Variants in SLC11A2 observed in about 807,000 individuals in gnomAD.
The protein encoded by SLC11A2 is natural resistance-associated macrophage protein 2.
SLC11A2 carries 38 observed loss-of-function variants against 68.0 expected under a neutral mutation model. The observed-to-expected ratio is 0.56, with a 90% confidence interval of 0.43 to 0.73. The LOEUF is 0.73. Ranked by LOEUF, SLC11A2 falls within the 30% of genes least tolerant of loss-of-function variation. The probability of loss-of-function intolerance (pLI) is 0.00; values close to 1 mark genes in which losing one functional copy is unlikely to be tolerated. For synonymous variants in SLC11A2, 242 were observed against 250.6 expected (o/e 0.97, Z 0.32); for missense variants, 517 against 690.5 (o/e 0.75, Z 2.82).
At position 50,999,051 on chromosome 12, in the gene SLC11A2, T is replaced by C. The variant is rs549981636; in HGVS notation, c.675+123A>G. On this transcript the variant is annotated intron_variant, in intron 8 of 15. Transcript: ENST00000262052. ...TTGGCCCAGGGAAAAATTGGCTTTT[T>C]GTTGATACACCCACTATAAGTGAAT... 23 of 842,878 alleles carry C rather than the reference T, an allele frequency of 2.7e-5. No individual in the cohort carries two copies. In the African/African-American group the frequency reaches 4.0e-4, roughly 15 times the overall value. 52.2% of individuals were successfully genotyped at this position (842,878 alleles called of 1,614,324 possible).
At chr12:50,968,843 T>G in the SLC11A2 span, among the ~76,000 whole-genome samples, 5 of 147,196 alleles carry the variant, frequency 3.4e-5, no homozygotes, top group Admixed American at 2.8e-4. Flanking sequence ...CGCCTGACCC[T>G]AATTTTTTTA....
At chr12:51,005,525 T>C in intron 3 of SLC11A2, 89 bp from the exon 4 acceptor site, 1 of 1,590,106 alleles carries the variant, frequency 6.3e-7, no homozygotes, top group South Asian at 1.1e-5. Flanking sequence ...AGCAACAAAA[T>C]CCAGCCTCAC....
chr12:50,990,789 A>G lies in SLC11A2; in HGVS notation c.1575+6T>C, dbSNP rs1253046184. On this transcript the variant is annotated splice_donor_region_variant and intron_variant, in intron 15 of 15. Coordinates refer to ENST00000262052, the MANE Select transcript of SLC11A2 (RefSeq NM_000617.3). Reference sequence around the variant, plus strand: ...CTATGCCCCTGCTCTTCCAGGCTAGACTTACCAAGTAGAACACAAAGCCCA... The same window carrying G: ...CTATGCCCCTGCTCTTCCAGGCTAGGCTTACCAAGTAGAACACAAAGCCCA... 3.7e-6 allele frequency: 6 copies of G among 1,613,980 alleles called. No homozygotes were observed. In the Admixed American group the frequency reaches 5.0e-5, roughly 13 times the overall value.
chr12:50,981,103 T>G (rs1473485033), downstream of SLC11A2: 1 of 152,206 alleles, frequency 6.6e-6, no homozygotes, highest in Admixed American at 6.6e-5. Context: ...GAGTTAATTA[T>G]GATTGCCAAA....
chr12:50,985,008 G>A (rs1414612046), downstream of SLC11A2, among the ~76,000 whole-genome samples: 1 of 152,142 alleles, frequency 6.6e-6, no homozygotes, highest in Non-Finnish European at 1.5e-5. Context: ...ATGTAAATGT[G>A]GGCAAGTTAC....
intron 1 of SLC11A2, 86 bp downstream of exon 1, chr12:51,026,224 C>A (rs1421618821): frequency 1.6e-6 from 2 of 1,217,522 alleles, no homozygotes; most frequent in African/African-American, 1.6e-5. Flanking sequence ...CGGAGCCTGA[C>A]CCCCGACACA....
At chr12:51,011,835 C>T (rs1943260209) in intron 1 of SLC11A2, among the ~76,000 whole-genome samples, 1 of 152,086 alleles carries the variant, frequency 6.6e-6, no homozygotes, top group Admixed American at 6.6e-5. Context: ...GCTGGGATTA[C>T]AGGCATGAGC....
chr12:50,959,949 C>T, the SLC11A2 span, among the ~76,000 whole-genome samples: 2 of 152,158 alleles, frequency 1.3e-5, no homozygotes, highest in Non-Finnish European at 2.9e-5. Flanking sequence ...TGCACCTGGC[C>T]CAGTATCTGT....
intron 5 of SLC11A2, among the ~76,000 whole-genome samples, chr12:51,000,810 A>C (rs1366976483): frequency 6.6e-6 from 1 of 152,240 alleles, no homozygotes; most frequent in African/African-American, 2.4e-5. Flanking sequence ...AAAGAATATT[A>C]AATGATTGCA....
At chr12:50,960,089 A>C in the SLC11A2 span, among the ~76,000 whole-genome samples, 1 of 152,222 alleles carries the variant, frequency 6.6e-6, no homozygotes, top group Non-Finnish European at 1.5e-5. Flanking sequence ...TTGTCACAGC[A>C]GTATATTCAC....
At chr12:50,976,511 T>G (rs1334228559), downstream of SLC11A2, among the ~76,000 whole-genome samples, 1 of 152,164 alleles carries the variant, frequency 6.6e-6, no homozygotes, top group Admixed American at 6.5e-5. Context: ...TAAGAGCTAT[T>G]TATGACAAAC....
chr12:51,003,869 G>C (rs1335780316), intron 5 of SLC11A2, among the ~76,000 whole-genome samples: 1 of 151,996 alleles, frequency 6.6e-6, no homozygotes, highest in Non-Finnish European at 1.5e-5. Context: ...GAGCCTGGGA[G>C]GTCAAGGCTG....
the SLC11A2 span, among the ~76,000 whole-genome samples, chr12:50,955,023 G>A: frequency 6.6e-6 from 1 of 152,114 alleles, no homozygotes; most frequent in Non-Finnish European, 1.5e-5. Flanking sequence ...CGGGCACAGT[G>A]GCTCACTCCT....
At position 50,992,714 on chromosome 12, in the gene SLC11A2, G is replaced by A. The variant is rs1481465582; in HGVS notation, c.1197+96C>T. 77 of 1,339,130 alleles carry A rather than the reference G, an allele frequency of 5.8e-5. 1 individual carries two copies. The highest frequency in any genetic ancestry group is 1.3e-4 in the Admixed American group (7 of 53,142). 83.0% of individuals were successfully genotyped at this position (1,339,130 alleles called of 1,614,324 possible). ...GCCATTACACTCCAACTTGGGCGAC[G>A]AGTGAGACTCCATCTCAAAAAAAAA... is the stretch of plus-strand genomic sequence containing the variant. On this transcript the variant is annotated intron_variant, in intron 12 of 15. Coordinates refer to ENST00000262052, the MANE Select transcript of SLC11A2 (RefSeq NM_000617.3).
At chr12:50,983,234 G>T (rs1940222578), downstream of SLC11A2, among the ~76,000 whole-genome samples, 1 of 152,164 alleles carries the variant, frequency 6.6e-6, no homozygotes, top group African/African-American at 2.4e-5. Flanking sequence ...GGCTGGCTAT[G>T]AAGTTATTTC....
intron 1 of SLC11A2, among the ~76,000 whole-genome samples, chr12:51,019,221 A>G (rs569502713): frequency 5.9e-5 from 9 of 152,360 alleles, no homozygotes; most frequent in Non-Finnish European, 1.2e-4. Context: ...AGCGACACCC[A>G]AAGTGTTTAT....
At chr12:51,008,302 G>GGTGTGTGT (rs532914132) in intron 3 of SLC11A2, 174 bp downstream of exon 3, 1 of 472,738 alleles carries the variant, frequency 2.1e-6, no homozygotes, top group Non-Finnish European at 3.8e-6. Context: ...ATATAGATGG[G>GGTGTGTGT]GTGTGTGTGT....
rs1032746519 is a variant in SLC11A2 at position 50,993,086 on chromosome 12, G to A, written c.1078-157C>T. On this transcript the variant is annotated intron_variant, in intron 11 of 15. Coordinates refer to ENST00000262052, the MANE Select transcript of SLC11A2 (RefSeq NM_000617.3). Reference sequence around the variant, plus strand: ...TGTGCCAGAAGCTAGGCTCAAGTCTGGACCTCATTCCAGAAGCTTTCAGTC... The same window carrying A: ...TGTGCCAGAAGCTAGGCTCAAGTCTAGACCTCATTCCAGAAGCTTTCAGTC... 6.3e-5 allele frequency: 50 copies of A among 792,084 alleles called. 1 individual carries two copies. The highest frequency in any genetic ancestry group is 2.6e-4 in the South Asian group (17 of 65,048). The allele number at this position is 792,084 out of a possible 1,614,324, so 49.1% of individuals were successfully genotyped here.
chr12:50,996,500 G>C (rs547339933), intron 9 of SLC11A2, among the ~76,000 whole-genome samples: 1 of 151,866 alleles, frequency 6.6e-6, no homozygotes, highest in African/African-American at 2.4e-5. Context: ...ACTTGAACCC[G>C]GGAGGGAGAG....
Sources: allele counts gnomAD v4.1 joint callset (sites outside exome capture counted in the v4.1 genomes callset), GRCh38; gene constraint gnomAD v4.1.1; transcripts MANE v1.5; gene names NCBI Gene and HGNC (gene_info 2026-07-23, HGNC 2026-07-21).